Variants in SCMH1 observed in about 807,000 individuals in gnomAD.
SCMH1 encodes Scm polycomb group protein homolog 1.
SCMH1 carries 37 observed loss-of-function variants against 70.8 expected under a neutral mutation model. That is an observed-to-expected ratio of 0.52 (90% CI 0.40 to 0.69). The LOEUF (loss-of-function observed/expected upper bound fraction) is 0.69, where lower values mean the gene tolerates loss of function less well. SCMH1 is among the 30% of genes least tolerant of loss of function. The pLI is 0.00. For synonymous variants in SCMH1, 292 were observed against 307.4 expected, an observed-to-expected ratio of 0.95 and a Z score of 0.52; for missense variants, 607 against 827.3, an observed-to-expected ratio of 0.73 and a Z score of 3.27.
chr1:41,210,759 A>G (rs2148794925), intron 1 of SCMH1, among the ~76,000 whole-genome samples: 1 of 152,272 alleles, frequency 6.6e-6, no homozygotes, highest in South Asian at 2.1e-4. Context: ...AAAACCCTAG[A>G]AGAAAACCTA....
intron 12 of SCMH1, among the ~76,000 whole-genome samples, chr1:41,046,188 T>C (rs968685293): frequency 5.3e-5 from 8 of 151,958 alleles, no homozygotes; most frequent in Non-Finnish European, 8.8e-5. Context: ...CTAGAAGAAA[T>C]AGGGGTGATC....
intron 13 of SCMH1, among the ~76,000 whole-genome samples, chr1:41,029,434 A>C (rs1644212784): frequency 6.6e-6 from 1 of 152,160 alleles, no homozygotes; most frequent in African/African-American, 2.4e-5. Flanking sequence ...TCCTGACCTC[A>C]AGTGATCTGC....
chr1:41,158,647 G>A (rs1557691954), intron 4 of SCMH1, among the ~76,000 whole-genome samples: 1 of 152,158 alleles, frequency 6.6e-6, no homozygotes, highest in Non-Finnish European at 1.5e-5. Flanking sequence ...AGTCATTAGC[G>A]AGCCAAATAT....
At chr1:41,146,513 G>T (rs934198932) in intron 5 of SCMH1, among the ~76,000 whole-genome samples, 1 of 151,960 alleles carries the variant, frequency 6.6e-6, no homozygotes. Context: ...CCTGATACGG[G>T]TGTACAAGTT....
chr1:41,137,005 C>G (rs1374747256), intron 6 of SCMH1, among the ~76,000 whole-genome samples: 2 of 152,028 alleles, frequency 1.3e-5, no homozygotes, highest in East Asian at 3.9e-4. Flanking sequence ...GTCTTGAACT[C>G]CTAGCCTCAA....
intron 2 of SCMH1, among the ~76,000 whole-genome samples, chr1:41,175,373 G>A (rs1647047868): frequency 6.6e-6 from 1 of 152,182 alleles, no homozygotes; most frequent in Admixed American, 6.5e-5. Flanking sequence ...TGGCATTGAA[G>A]GAGGAGTTAC....
intron 4 of SCMH1, among the ~76,000 whole-genome samples, chr1:41,159,268 A>C (rs894627531): frequency 2.0e-5 from 3 of 152,214 alleles, no homozygotes; most frequent in Non-Finnish European, 2.9e-5. Context: ...TTCAAATTTT[A>C]ACATCTTTTA....
At chr1:41,031,929 C>T (rs1644581577) in intron 13 of SCMH1, among the ~76,000 whole-genome samples, 1 of 152,176 alleles carries the variant, frequency 6.6e-6, no homozygotes, top group Non-Finnish European at 1.5e-5. Flanking sequence ...CCCCTCCCTA[C>T]CCACATGATA....
At chr1:41,175,292 C>T (rs2148540475) in intron 2 of SCMH1, among the ~76,000 whole-genome samples, 1 of 152,242 alleles carries the variant, frequency 6.6e-6, no homozygotes, top group East Asian at 1.9e-4. Context: ...CTTCTCCTGC[C>T]CTTGGACACT....
At chr1:41,055,695 G>C (rs1038848481) in intron 10 of SCMH1, among the ~76,000 whole-genome samples, 1 of 152,212 alleles carries the variant, frequency 6.6e-6, no homozygotes, top group Admixed American at 6.5e-5. Flanking sequence ...TGAAAAGAAA[G>C]CATCTATAAA....
chr1:41,041,095 C>A (rs1302460059), intron 12 of SCMH1, among the ~76,000 whole-genome samples: 1 of 152,020 alleles, frequency 6.6e-6, no homozygotes, highest in Non-Finnish European at 1.5e-5. Flanking sequence ...ATGCTCATAA[C>A]CGAGCTTTCC....
intron 1 of SCMH1, among the ~76,000 whole-genome samples, chr1:41,192,133 C>T (rs538781789): frequency 2.6e-5 from 4 of 152,222 alleles, no homozygotes; most frequent in Non-Finnish European, 5.9e-5. Context: ...CTTCCTTGCC[C>T]TGCCCATTCT....
chr1:41,186,527 G>T (rs571007106), intron 1 of SCMH1, among the ~76,000 whole-genome samples: 2 of 152,136 alleles, frequency 1.3e-5, no homozygotes, highest in Non-Finnish European at 2.9e-5. Context: ...AGCTAACCAG[G>T]TTAAGCCAGA....
chr1:41,091,926 T>C (rs1663646311), intron 8 of SCMH1, among the ~76,000 whole-genome samples: 1 of 41,110 alleles, frequency 2.4e-5, no homozygotes, highest in Non-Finnish European at 3.9e-5. Context: ...GAATCAATAT[T>C]GTGAAAAATG....
intron 4 of SCMH1, among the ~76,000 whole-genome samples, chr1:41,156,457 C>T (rs1316469398): frequency 3.3e-5 from 5 of 151,856 alleles, no homozygotes; most frequent in Admixed American, 1.3e-4. Context: ...TTTTTTGAGA[C>T]GGGGTCTTGC....
chr1:41,176,680 C>A (rs993417804), intron 2 of SCMH1, among the ~76,000 whole-genome samples: 1 of 152,154 alleles, frequency 6.6e-6, no homozygotes, highest in African/African-American at 2.4e-5. Flanking sequence ...GATCAAACTG[C>A]AAGGTGGCAG....
At chr1:41,086,682 G>A (rs1476207575) in intron 8 of SCMH1, among the ~76,000 whole-genome samples, 1 of 151,872 alleles carries the variant, frequency 6.6e-6, no homozygotes, top group Non-Finnish European at 1.5e-5. Context: ...AGGTGGGAGG[G>A]TCACTTGAGG....
Position 41,103,576 on chromosome 1 carries a change from A to G in SCMH1, c.745+9707T>C, listed in dbSNP as rs142381510. On this transcript the variant is annotated intron_variant, in intron 8 of 14. Transcript: ENST00000337495. ...ATGCTGGCACAGTGGGTGTTACAAT[A>G]AAAGCTTGCCAAAAAAACCCTATAT... Among the ~76,000 whole-genome samples, 17 of 152,346 alleles carry G rather than the reference A, an allele frequency of 1.1e-4. No individual in the cohort carries two copies. The East Asian group carries it at 3.3e-3, about 29-fold the overall frequency.
chr1:41,133,855 C>T (rs967746154), intron 6 of SCMH1, among the ~76,000 whole-genome samples: 6 of 152,150 alleles, frequency 3.9e-5, no homozygotes, highest in African/African-American at 1.2e-4. Context: ...ACCAGAGGTA[C>T]AAAGAGGAGC....
Sources: gnomAD v4.1 joint callset for allele counts (sites outside exome capture counted in the v4.1 genomes callset) on GRCh38, gnomAD v4.1.1 for gene constraint, MANE v1.5 for transcripts, NCBI Gene and HGNC (gene_info 2026-07-23, HGNC 2026-07-21) for gene names.